The following GLIS3 variants were observed in gnomAD, a reference collection of about 807,000 sequenced individuals.
GLIS3 encodes zinc finger protein GLIS3.
GLIS3 carries 53 observed loss-of-function variants against 78.6 expected under a neutral mutation model. That is an observed-to-expected ratio of 0.67 (90% confidence interval 0.54 to 0.85). The LOEUF is 0.85. Among genes scored for constraint, GLIS3 ranks in the 40% least tolerant of loss-of-function variants. The pLI is 0.00. For synonymous variants in GLIS3, 684 were observed against 509.9 expected (o/e 1.34, Z -4.60); for missense variants, 1,703 against 1,231.1 (o/e 1.38, Z -5.74).
At chr9:4,463,240 A>C in the GLIS3 span, among the ~76,000 whole-genome samples, 1 of 152,252 alleles carries the variant, frequency 6.6e-6, no homozygotes, top group Non-Finnish European at 1.5e-5. Flanking sequence ...AGTTGACTTT[A>C]AGAAGTAACT....
intron 2 of GLIS3, among the ~76,000 whole-genome samples, chr9:4,276,435 ACGGGAGGGGAGGGAAGGGGAGGGGAGG>A (rs1827010853): frequency 4.9e-4 from 2 of 4,056 alleles, no homozygotes; most frequent in Admixed American, 2.6e-3. Flanking sequence ...AGGGAAGGGG[ACGGGAGGGGAGGGAAGGGGAGGGGAGG>A]GAAGGGGACG....
intron 4 of GLIS3, among the ~76,000 whole-genome samples, chr9:4,112,185 T>C (rs1374596231): frequency 6.6e-6 from 1 of 152,156 alleles, no homozygotes; most frequent in Non-Finnish European, 1.5e-5. Context: ...CTTCGACTAA[T>C]AATTGTGAAG....
At chr9:4,322,466 G>C (rs918327851) in intron 2 of GLIS3, among the ~76,000 whole-genome samples, 2 of 152,268 alleles carry the variant, frequency 1.3e-5, no homozygotes, top group Non-Finnish European at 2.9e-5. Context: ...AGATCCTTGA[G>C]GAATCGCCAC....
intron 2 of GLIS3, among the ~76,000 whole-genome samples, chr9:4,338,063 T>TG (rs1563937912): frequency 6.8e-6 from 1 of 148,148 alleles, no homozygotes; most frequent in African/African-American, 2.5e-5. Context: ...TGTGTGTGTG[T>TG]TTAGTTTTGA....
intron 4 of GLIS3, among the ~76,000 whole-genome samples, chr9:4,040,025 T>C (rs10814818): frequency 0.14 from 20,642 of 152,096 alleles, 1,900 homozygotes; most frequent in East Asian, 0.44. Flanking sequence ...CTTCAGTGGA[T>C]TCCAAACAGA....
chr9:3,868,561 G>A (rs997454446), intron 8 of GLIS3, among the ~76,000 whole-genome samples: 12 of 152,178 alleles, frequency 7.9e-5, no homozygotes, highest in African/African-American at 1.7e-4. Flanking sequence ...TTGAGAACAA[G>A]ATGAACCATT....
rs928934705 is a variant in GLIS3 at position 4,163,270 on chromosome 9, G to A, written c.389-37329C>T. Among the ~76,000 whole-genome samples the A allele has an allele frequency of 2.4e-4, 34 of 140,920 alleles. No individual in the cohort carries two copies. The South Asian group carries it at 3.0e-3, about 13-fold the overall frequency. The allele number at this position is 140,920 out of a possible 152,430, so 92.4% of individuals were successfully genotyped here. On this transcript the variant is annotated intron_variant, in intron 2 of 10. Transcript: ENST00000381971. ...CACACACACACACACACACACACACGCGCACGCGCGCACACATACCATTTC... is the reference window on the plus strand; with the variant it reads ...CACACACACACACACACACACACACACGCACGCGCGCACACATACCATTTC...
chr9:4,479,564 T>G, the GLIS3 span, among the ~76,000 whole-genome samples: 46 of 152,244 alleles, frequency 3.0e-4, no homozygotes, highest in African/African-American at 1.1e-3. Flanking sequence ...GGAGGGTCAC[T>G]CACCCAGCCC....
At chr9:4,463,059 A>G in the GLIS3 span, among the ~76,000 whole-genome samples, 1 of 152,218 alleles carries the variant, frequency 6.6e-6, no homozygotes, top group Non-Finnish European at 1.5e-5. Context: ...AGGCAGAGAG[A>G]TAAGTAGCAT....
At chr9:4,300,830 A>G (rs1428117912), upstream of GLIS3, among the ~76,000 whole-genome samples, 1 of 151,978 alleles carries the variant, frequency 6.6e-6, no homozygotes, top group Non-Finnish European at 1.5e-5. Context: ...AAGGACTTCC[A>G]TCTTGGGAAT....
chr9:4,453,360 A>AAAAAAAAG, the GLIS3 span, among the ~76,000 whole-genome samples: 2 of 149,590 alleles, frequency 1.3e-5, no homozygotes, highest in Non-Finnish European at 3.0e-5. Context: ...AAAAAAAAAA[A>AAAAAAAAG]AAAAGAAAAA....
At chr9:4,080,482 T>C (rs538486337) in intron 4 of GLIS3, among the ~76,000 whole-genome samples, 7 of 152,284 alleles carry the variant, frequency 4.6e-5, no homozygotes, top group Middle Eastern at 6.8e-3. Context: ...AAAGACAAGA[T>C]GATTTAATAC....
At chr9:4,281,712 T>C (rs1436007091) in intron 2 of GLIS3, among the ~76,000 whole-genome samples, 1 of 152,222 alleles carries the variant, frequency 6.6e-6, no homozygotes, top group Non-Finnish European at 1.5e-5. Context: ...GCTGTGGACA[T>C]GGGTGTCAAA....
At chr9:4,149,236 C>A (rs779140857) in intron 2 of GLIS3, among the ~76,000 whole-genome samples, 8 of 152,182 alleles carry the variant, frequency 5.3e-5, no homozygotes, top group Non-Finnish European at 1.0e-4. Context: ...ATGCCTAGCT[C>A]TATTCCCAGA....
chr9:4,310,315 T>C (rs139607208), intron 3 of GLIS3: 6 of 152,288 alleles, frequency 3.9e-5, no homozygotes, highest in Non-Finnish European at 7.3e-5. Context: ...GTATAATCCC[T>C]CTTCTATACT....
the GLIS3 span, among the ~76,000 whole-genome samples, chr9:4,468,487 T>C: frequency 2.6e-5 from 4 of 152,210 alleles, no homozygotes; most frequent in East Asian, 5.8e-4. Flanking sequence ...TATTCAACAT[T>C]CTTAAAGAAA....
At chr9:4,229,401 G>A (rs1222587884) in intron 2 of GLIS3, among the ~76,000 whole-genome samples, 1 of 152,190 alleles carries the variant, frequency 6.6e-6, no homozygotes, top group Non-Finnish European at 1.5e-5. Flanking sequence ...TCTAACTTTG[G>A]TTGGTTAGCA....
intron 4 of GLIS3, among the ~76,000 whole-genome samples, chr9:4,075,651 G>C (rs776395023): frequency 1.3e-5 from 2 of 151,718 alleles, no homozygotes; most frequent in Non-Finnish European, 2.9e-5. Context: ...GCTAAAAAGA[G>C]TTTTTAGGAT....
At chr9:3,892,376 C>T (rs968569284) in intron 7 of GLIS3, among the ~76,000 whole-genome samples, 7 of 152,130 alleles carry the variant, frequency 4.6e-5, no homozygotes, top group South Asian at 2.1e-4. Flanking sequence ...GAGTCACGGC[C>T]GGGGCACCTG....
Sources: allele counts gnomAD v4.1 joint callset (sites outside exome capture counted in the v4.1 genomes callset), GRCh38; gene constraint gnomAD v4.1.1; transcripts MANE v1.5; gene names NCBI Gene and HGNC (gene_info 2026-07-23, HGNC 2026-07-21).